Variants in STATH observed in about 807,000 individuals in gnomAD.
The protein encoded by STATH is statherin.
STATH carries 11 observed loss-of-function variants against 13.3 expected under a neutral mutation model. That is an observed-to-expected ratio of 0.83 (90% CI 0.52 to 1.37). The LOEUF (loss-of-function observed/expected upper bound fraction) is 1.37, where lower values mean the gene tolerates loss of function less well. Ranked by LOEUF, STATH falls within the 40% of genes most tolerant of loss-of-function variation. STATH has a pLI of 0.00. For synonymous variants in STATH, 25 were observed against 23.6 expected (o/e 1.06, Z -0.17); for missense variants, 78 against 73.3 (o/e 1.06, Z -0.24).
chr4:70,000,025 C>T, intron 4 of STATH: 1 of 560,614 alleles, frequency 1.8e-6, no homozygotes. Context: ...CTGAAGAAAC[C>T]AGTTACTCCC....
intron 5 of STATH, among the ~76,000 whole-genome samples, chr4:70,001,386 A>G (rs569468372): frequency 6.6e-5 from 10 of 152,022 alleles, no homozygotes; most frequent in Non-Finnish European, 1.3e-4. Flanking sequence ...GTTTGTAGTT[A>G]TAACTGCAGG....
At position 70,000,852 on chromosome 4, in the gene STATH, T is replaced by C; in HGVS notation, c.103-11T>C. The C allele has an allele frequency of 6.2e-7, 1 of 1,607,758 alleles. No homozygotes were observed. Among genetic ancestry groups the C allele is most frequent in the Non-Finnish European group, 8.5e-7 (1 of 1,174,786 alleles). On this transcript the variant is annotated splice_polypyrimidine_tract_variant and intron_variant, in intron 4 of 5. Transcript: ENST00000246895. ...TTTTCTGCAATTTTCTTTCTCCTTG[T>C]GTGTATACAGTATGGGTATGGCCCT... is the stretch of plus-strand genomic sequence containing the variant.
At chr4:69,998,314 T>A (rs1724562477) in intron 1 of STATH, 109 bp from the exon 2 acceptor site, 2 of 730,616 alleles carry the variant, frequency 2.7e-6, no homozygotes, top group Non-Finnish European at 4.6e-6. Flanking sequence ...TAATTGTCTT[T>A]CTATCTGGAG....
In STATH at chr4:69,997,285, A is replaced by C. The variant is rs528203753; in HGVS notation, c.-15-1138A>C. Reference sequence around the variant, plus strand: ...GAATAACTGAGGCAAATCAGTGAATAAGTAACAAAGCAAATGCCATAAATC... The same window carrying C: ...GAATAACTGAGGCAAATCAGTGAATCAGTAACAAAGCAAATGCCATAAATC... On this transcript the variant is annotated intron_variant, in intron 1 of 5. Coordinates refer to ENST00000246895, the MANE Select transcript of STATH (RefSeq NM_003154.3). Among the ~76,000 whole-genome samples, 6 of 152,182 alleles carry C rather than the reference A, an allele frequency of 3.9e-5. No homozygotes were observed. In the East Asian group the frequency reaches 1.2e-3, roughly 29 times the overall value.
Position 70,000,852 on chromosome 4 carries a change from T to G in STATH, c.103-11T>G, listed in dbSNP as rs1394972899. On this transcript the variant is annotated splice_polypyrimidine_tract_variant and intron_variant, in intron 4 of 5. Coordinates refer to ENST00000246895, the MANE Select transcript of STATH (RefSeq NM_003154.3). ...TTTTCTGCAATTTTCTTTCTCCTTG[T>G]GTGTATACAGTATGGGTATGGCCCT... is the stretch of plus-strand genomic sequence containing the variant. 6 of 1,607,758 alleles carry G rather than the reference T, an allele frequency of 3.7e-6. No individual in the cohort carries two copies. Among genetic ancestry groups the G allele is most frequent in the Non-Finnish European group, 5.1e-6 (6 of 1,174,786 alleles).
intron 1 of STATH, among the ~76,000 whole-genome samples, chr4:69,996,263 T>C (rs538752159): frequency 6.6e-6 from 1 of 152,264 alleles, no homozygotes; most frequent in African/African-American, 2.4e-5. Flanking sequence ...GGAGACATAT[T>C]CCAACTTCTC....
intron 2 of STATH, among the ~76,000 whole-genome samples, chr4:69,999,368 T>C (rs1302110835): frequency 6.6e-6 from 1 of 151,950 alleles, no homozygotes; most frequent in Non-Finnish European, 1.5e-5. Context: ...CATATTCTTA[T>C]GAAAAAATAC....
At chr4:70,001,027 C>A in intron 5 of STATH, 45 bp downstream of exon 5, 1 of 1,346,858 alleles carries the variant, frequency 7.4e-7, no homozygotes, top group Non-Finnish European at 1.1e-6. Context: ...TGTATCAGTG[C>A]TGACAGTTAA....
chr4:70,001,327 T>G (rs955283043), intron 5 of STATH, among the ~76,000 whole-genome samples: 1 of 150,576 alleles, frequency 6.6e-6, no homozygotes, highest in Non-Finnish European at 1.5e-5. Context: ...TTTTTAGAAT[T>G]GGTGACACTT....
chr4:70,001,001 C>A lies in STATH; in HGVS notation c.*33+19C>A. The A allele has an allele frequency of 1.3e-6, 2 of 1,532,122 alleles. No individual in the cohort carries two copies. The highest frequency in any genetic ancestry group is 1.8e-6 in the Non-Finnish European group (2 of 1,106,536). 94.9% of individuals were successfully genotyped at this position (1,532,122 alleles called of 1,614,324 possible). ...TATTGAGGTAAGATGGGTTTAGTGACATTTTTTTTACTTTCTGTATCAGTG... is the reference window on the plus strand; with the variant it reads ...TATTGAGGTAAGATGGGTTTAGTGAAATTTTTTTTACTTTCTGTATCAGTG... On this transcript the variant is annotated intron_variant, in intron 5 of 5. Transcript: ENST00000246895.
At chr4:70,001,794 T>G (rs1164846798) in intron 5 of STATH, among the ~76,000 whole-genome samples, 4 of 151,778 alleles carry the variant, frequency 2.6e-5, no homozygotes, top group African/African-American at 9.7e-5. Flanking sequence ...TTCAATTCTC[T>G]ATTGCCATTA....
At chr4:69,998,392 T>G in intron 1 of STATH, 31 bp from the exon 2 acceptor site, 2 of 1,570,750 alleles carry the variant, frequency 1.3e-6, no homozygotes, top group Non-Finnish European at 1.7e-6. Context: ...CAAGAAAAAA[T>G]GTGATACTGA....
At chr4:70,001,454 G>T (rs968559563) in intron 5 of STATH, among the ~76,000 whole-genome samples, 1 of 151,760 alleles carries the variant, frequency 6.6e-6, no homozygotes, top group South Asian at 2.1e-4. Flanking sequence ...CTCCCAAAAT[G>T]CAATCTTTGG....
intron 2 of STATH, chr4:69,999,151 A>G (rs1724581619): frequency 6.5e-6 from 1 of 153,088 alleles, no homozygotes; most frequent in Admixed American, 6.5e-5. Flanking sequence ...GAAAGAATAA[A>G]AATAGTTCAA....
intron 5 of STATH, 82 bp from the exon 6 acceptor site, chr4:70,002,107 C>T (rs757309729): frequency 3.3e-5 from 5 of 151,562 alleles, no homozygotes; most frequent in Non-Finnish European, 5.9e-5. Flanking sequence ...ATAATATCTA[C>T]TCTGTACCAG....
At chr4:70,001,581 A>T (rs1484335158) in intron 5 of STATH, among the ~76,000 whole-genome samples, 1 of 151,850 alleles carries the variant, frequency 6.6e-6, no homozygotes, top group Non-Finnish European at 1.5e-5. Flanking sequence ...ACAAGAAAAT[A>T]TGGAAATGTT....
intron 1 of STATH, among the ~76,000 whole-genome samples, chr4:69,997,186 T>C (rs1724530871): frequency 6.6e-6 from 1 of 151,996 alleles, no homozygotes; most frequent in Admixed American, 6.6e-5. Context: ...CCACAGGTGA[T>C]CTGCCCACCT....
rs1038500219 is a variant in STATH at position 70,000,890 on chromosome 4, C to G, written c.130C>G (p.Pro44Ala). Residue 44 changes from proline to alanine, a missense_variant, in exon 5 of 6, where the codon CCA becomes GCA. Pro to Ala is a conservative substitution (Grantham distance 27). Coordinates refer to ENST00000246895, the MANE Select transcript of STATH (RefSeq NM_003154.3). The part of the protein sequence containing the change: ...GYGYGPYQPV[P>A]EQPLYPQPYQ... ...TGGGTATGGCCCTTATCAGCCAGTT[C>G]CAGAACAACCACTATACCCACAACC... The G allele has an allele frequency of 6.2e-7, 1 of 1,612,046 alleles. No individual in the cohort carries two copies.
chr4:69,996,316 G>A (rs1460772953), intron 1 of STATH, among the ~76,000 whole-genome samples: 4 of 152,042 alleles, frequency 2.6e-5, no homozygotes, highest in South Asian at 2.1e-4. Context: ...CCTTGTCTAC[G>A]TACTGGCATC....
Sources: gnomAD v4.1 joint callset for allele counts (sites outside exome capture counted in the v4.1 genomes callset) on GRCh38, gnomAD v4.1.1 for gene constraint, MANE v1.5 for transcripts, NCBI Gene and HGNC (gene_info 2026-07-23, HGNC 2026-07-21) for gene names.